The following PCNT variants were observed in gnomAD, a reference collection of about 807,000 sequenced individuals.
The protein encoded by PCNT is kendrin.
Under a neutral mutation model 380.4 loss-of-function variants are expected in PCNT, and 319 were observed. The observed-to-expected ratio is 0.84, with a 90% CI of 0.77 to 0.92. The LOEUF (loss-of-function observed/expected upper bound fraction) is 0.92. Among genes scored for constraint, PCNT ranks in the 40% least tolerant of loss-of-function variants. PCNT has a pLI of 0.00. For missense variants in PCNT, 4,400 were observed against 4,255.3 expected (o/e 1.03, Z -0.95); for synonymous variants, 1,845 against 1,735.2 (o/e 1.06, Z -1.57).
At chr21:46,444,069 T>A (rs2053685675) in intron 45 of PCNT, 121 bp downstream of exon 45, 2 of 1,095,720 alleles carry the variant, frequency 1.8e-6, no homozygotes, top group Non-Finnish European at 2.6e-6. Context: ...GGCAGGAAAC[T>A]CTCCAGCGTG....
chr21:46,429,991 G>C lies in PCNT; in HGVS notation c.7691-19G>C, dbSNP rs752459462. On this transcript the variant is annotated intron_variant, in intron 35 of 46. Coordinates refer to ENST00000359568, the MANE Select transcript of PCNT (RefSeq NM_006031.6). ...GAGGAGCTCATGGGGGCCTGTTACT[G>C]TTCTTTTGTCTTTCTCAGTTGAACT... is the stretch of plus-strand genomic sequence containing the variant. The C allele has an allele frequency of 1.9e-6, 3 of 1,609,386 alleles. No homozygotes were observed. Among genetic ancestry groups the C allele is most frequent in the Admixed American group, 1.7e-5 (1 of 59,992 alleles).
At chr21:46,430,391 G>C in intron 36 of PCNT, 116 bp from the exon 37 acceptor site, 1 of 1,440,520 alleles carries the variant, frequency 6.9e-7, no homozygotes, top group South Asian at 1.2e-5. Flanking sequence ...CTGTGGTGGG[G>C]GGTGAAGCAC....
chr21:46,423,114 C>A (rs2147864619), intron 32 of PCNT, among the ~76,000 whole-genome samples: 1 of 151,352 alleles, frequency 6.6e-6, no homozygotes, highest in South Asian at 2.1e-4. Context: ...CTCTTTTTTT[C>A]ATTAAAATAA....
chr21:46,431,992 T>G lies in PCNT; in HGVS notation c.8528T>G (p.Leu2843Arg), dbSNP rs569737144. ...AGAGAGAAGGAGGTAAGTGCCACAC[T>G]GAAGTCGACGGTGGAAGCCCTGCAC... is the stretch of plus-strand genomic sequence containing the variant. ...LRREKEVSAT[L>R]KSTVEALHTQ... Residue 2843 changes from leucine to arginine, a missense_variant, in exon 38 of 47, where the codon CTG (leucine) becomes CGG (arginine). By Grantham distance (102) the Leu-to-Arg change is moderately radical (BLOSUM62 -2). Coordinates refer to ENST00000359568, the MANE Select transcript of PCNT (RefSeq NM_006031.6). 38 of 1,613,866 alleles carry G rather than the reference T, an allele frequency of 2.4e-5. No homozygotes were observed. The African/African-American group carries it at 4.8e-4, about 20-fold the overall frequency.
At position 46,366,688 on chromosome 21, in the gene PCNT, A is replaced by G. The variant is rs112231246; in HGVS notation, c.2714A>G (p.Gln905Arg). The G allele has an allele frequency of 7.2e-5, 117 of 1,613,828 alleles. 2 individuals carry two copies. In the African/African-American group the frequency reaches 9.9e-4, roughly 14 times the overall value. ...EQHARELQLLQERHQQQLLSV... is the reference protein window; with the variant it reads ...EQHARELQLLRERHQQQLLSV... ...CATGCCCGTGAGCTGCAGCTCCTCC[A>G]GGAGAGACACCAGCAGCAGCTCCTG... The change falls in exon 15 of 47, where the codon CAG becomes CGG. Residue 905 changes from glutamine to arginine, a missense_variant. By Grantham distance (43) the Gln-to-Arg change is conservative. Transcript: ENST00000359568.
intron 3 of PCNT, among the ~76,000 whole-genome samples, chr21:46,338,604 CTTTTT>C (rs35172694): frequency 5.2e-5 from 6 of 115,872 alleles, no homozygotes; most frequent in Non-Finnish European, 7.4e-5. Flanking sequence ...ATGAATGTGT[CTTTTT>C]TTTTTTTTTT....
At chr21:46,398,794 G>A (rs981634010) in intron 24 of PCNT, among the ~76,000 whole-genome samples, 1 of 150,880 alleles carries the variant, frequency 6.6e-6, no homozygotes, top group African/African-American at 2.4e-5. Context: ...TTGCTGAGAA[G>A]TATTCCATTC....
Position 46,360,753 on chromosome 21 carries a change from C to T in PCNT, c.2155-2727C>T, listed in dbSNP as rs1330724458. ...CAGGATGGTCTCAATCTCCTGACTT[C>T]CCGATCCGCCCACCTCGGCCTCCCA... On this transcript the variant is annotated intron_variant, in intron 13 of 46. Transcript: ENST00000359568. Among the ~76,000 whole-genome samples the T allele has an allele frequency of 2.6e-5, 4 of 151,384 alleles. No individual in the cohort carries two copies. The South Asian group carries it at 8.4e-4, about 32-fold the overall frequency.
chr21:46,439,800 A>G (rs1221830582), intron 41 of PCNT, among the ~76,000 whole-genome samples: 1 of 152,222 alleles, frequency 6.6e-6, no homozygotes, highest in Non-Finnish European at 1.5e-5. Context: ...GTGATTTTAC[A>G]AAGAATTGGT....
At chr21:46,344,760 C>T (rs117994518) in intron 3 of PCNT, among the ~76,000 whole-genome samples, 5,332 of 152,286 alleles carry the variant, frequency 0.035, 132 homozygotes, top group Middle Eastern at 0.088. Context: ...ACGGTGGGCT[C>T]AGGATCCGTG....
At chr21:46,412,194 G>A (rs1049074957) in intron 28 of PCNT, 127 bp downstream of exon 28, 15 of 1,136,424 alleles carry the variant, frequency 1.3e-5, no homozygotes, top group East Asian at 5.1e-5. Flanking sequence ...ATGACACAGC[G>A]GAGAAAGGGG....
intron 15 of PCNT, among the ~76,000 whole-genome samples, chr21:46,380,789 A>T (rs2085504943): frequency 1.3e-5 from 2 of 152,042 alleles, no homozygotes; most frequent in Non-Finnish European, 1.5e-5. Flanking sequence ...TTTTTCTTTT[A>T]TAGAGGAACA....
chr21:46,345,125 G>A (rs558467196), intron 3 of PCNT, among the ~76,000 whole-genome samples: 2 of 152,212 alleles, frequency 1.3e-5, no homozygotes, highest in South Asian at 2.1e-4. Context: ...CGTCATTTCC[G>A]CCTTTTTCCT....
intron 46 of PCNT, among the ~76,000 whole-genome samples, 179 bp from the exon 47 acceptor site, chr21:46,445,105 G>A (rs754009025): frequency 1.3e-5 from 2 of 152,038 alleles, no homozygotes; most frequent in African/African-American, 2.4e-5. Context: ...ATTATATTTC[G>A]ACCAGGATAT....
chr21:46,374,952 C>T (rs751591676), intron 15 of PCNT, among the ~76,000 whole-genome samples: 14 of 152,120 alleles, frequency 9.2e-5, no homozygotes, highest in Non-Finnish European at 1.3e-4. Flanking sequence ...TGTTCTTCCC[C>T]GCGGCGATGC....
intron 15 of PCNT, among the ~76,000 whole-genome samples, chr21:46,370,915 G>A (rs2146980330): frequency 6.6e-6 from 1 of 152,272 alleles, no homozygotes; most frequent in East Asian, 1.9e-4. Flanking sequence ...GGCGCCTGTA[G>A]TCCCAGCTAT....
At chr21:46,391,060 C>G (rs1452336501) in intron 20 of PCNT, 104 bp from the exon 21 acceptor site, 1 of 1,236,942 alleles carries the variant, frequency 8.1e-7, no homozygotes, top group Non-Finnish European at 1.2e-6. Context: ...TGGCTCTTAG[C>G]TCTGCTGCTC....
chr21:46,445,009 C>T (rs904827303), intron 46 of PCNT, among the ~76,000 whole-genome samples, 188 bp downstream of exon 46: 3 of 152,200 alleles, frequency 2.0e-5, no homozygotes, highest in African/African-American at 7.2e-5. Context: ...AGCCAGTGTA[C>T]TCAGTGATAC....
intron 27 of PCNT, among the ~76,000 whole-genome samples, chr21:46,409,430 C>T (rs111411908): frequency 0.033 from 5,024 of 152,140 alleles, 141 homozygotes; most frequent in South Asian, 0.081. Flanking sequence ...TCAGAAGATC[C>T]GCCTGCCTTG....
Sources: allele counts gnomAD v4.1 joint callset (sites outside exome capture counted in the v4.1 genomes callset), GRCh38; gene constraint gnomAD v4.1.1; transcripts MANE v1.5; gene names NCBI Gene and HGNC (gene_info 2026-07-23, HGNC 2026-07-21).